GALNT18: variants seen among roughly 807,000 people sequenced by gnomAD.
GALNT18 encodes GalNAc-transferase 18.
Under a neutral mutation model 69.5 loss-of-function variants are expected in GALNT18, and 44 were observed. That is an observed-to-expected ratio of 0.63 (90% CI 0.50 to 0.81). The LOEUF (loss-of-function observed/expected upper bound fraction) is 0.81, where lower values mean the gene tolerates loss of function less well. GALNT18 is among the 40% of genes least tolerant of loss of function. The pLI is 0.00. For synonymous variants in GALNT18, 364 were observed against 318.2 expected (o/e 1.14, Z -1.53); for missense variants, 715 against 810.0 (o/e 0.88, Z 1.42).
chr11:11,485,034 CAT>C (rs575655967), intron 1 of GALNT18, among the ~76,000 whole-genome samples: 5 of 152,316 alleles, frequency 3.3e-5, no homozygotes, highest in Admixed American at 1.3e-4. Flanking sequence ...CCATCGGTGA[CAT>C]GTGATCATCA....
Position 11,340,769 on chromosome 11 carries a change from T to C in GALNT18, c.1278+50A>G, listed in dbSNP as rs958446619. The C allele has an allele frequency of 6.5e-7, 1 of 1,533,154 alleles. No homozygotes were observed. The highest frequency in any genetic ancestry group is 1.4e-5 in the African/African-American group (1 of 72,284). 95.0% of individuals were successfully genotyped at this position (1,533,154 alleles called of 1,614,324 possible). A position where few individuals can be genotyped will look rare whatever the true frequency, so the allele number is the denominator to read the frequency against. ...GGGTTCGGTCCCATATCTTGTTTTGTTTGTTTTCCACCAATCCCCGAGAAA... is the reference window on the plus strand; with the variant it reads ...GGGTTCGGTCCCATATCTTGTTTTGCTTGTTTTCCACCAATCCCCGAGAAA... On this transcript the variant is annotated intron_variant, in intron 7 of 10. Transcript: ENST00000227756. The surrounding 1 kb of genome is among the most constrained non-coding windows in gnomAD (Gnocchi z 4.2).
chr11:11,305,134 G>T (rs1849558338), intron 9 of GALNT18, among the ~76,000 whole-genome samples: 1 of 151,974 alleles, frequency 6.6e-6, no homozygotes, highest in Admixed American at 6.6e-5. Context: ...ATGCAACGAA[G>T]AGACGGTTGG....
intron 1 of GALNT18, among the ~76,000 whole-genome samples, chr11:11,482,173 G>A (rs1856545481): frequency 1.3e-5 from 2 of 152,218 alleles, no homozygotes; most frequent in African/African-American, 4.8e-5. Flanking sequence ...CCTTTGGTGT[G>A]GAGTACTCAG....
At chr11:11,355,197 G>A (rs1850505319) in intron 6 of GALNT18, among the ~76,000 whole-genome samples, 1 of 152,080 alleles carries the variant, frequency 6.6e-6, no homozygotes, top group Non-Finnish European at 1.5e-5. Context: ...ATTATTTACT[G>A]AGCACTTACT....
intron 1 of GALNT18, among the ~76,000 whole-genome samples, chr11:11,473,570 G>A (rs1856321052): frequency 6.6e-6 from 1 of 152,212 alleles, no homozygotes; most frequent in South Asian, 2.1e-4. Flanking sequence ...AGTGAAATAT[G>A]TGAGCTTCAC....
intron 10 of GALNT18, among the ~76,000 whole-genome samples, chr11:11,281,472 G>A (rs1590002678): frequency 6.6e-6 from 1 of 152,324 alleles, no homozygotes; most frequent in South Asian, 2.1e-4. Flanking sequence ...CTCAGCTGAA[G>A]ATTCTGGCTG....
intron 1 of GALNT18, among the ~76,000 whole-genome samples, chr11:11,574,972 C>T (rs1858885441): frequency 6.6e-6 from 1 of 152,164 alleles, no homozygotes; most frequent in African/African-American, 2.4e-5. Context: ...TGTTCTTGGA[C>T]CAGGTTTCTT....
chr11:11,365,723 G>A (rs1342564228), intron 6 of GALNT18, among the ~76,000 whole-genome samples: 3 of 152,090 alleles, frequency 2.0e-5, no homozygotes, highest in Admixed American at 1.3e-4. Context: ...GTTTTGATTT[G>A]CATTTCAATA....
In GALNT18 at chr11:11,337,069, A is replaced by G. The variant is rs989232707; in HGVS notation, c.1278+3750T>C. Among the ~76,000 whole-genome samples, 3 of 152,152 alleles carry G rather than the reference A, an allele frequency of 2.0e-5. No individual in the cohort carries two copies. The highest frequency in any genetic ancestry group is 7.2e-5 in the African/African-American group (3 of 41,424). Reference sequence around the variant, plus strand: ...AAATGGGTGTTACACAAACCTGGCCACCCTAAACTCTCATCTGGAGGGCTT... The same window carrying G: ...AAATGGGTGTTACACAAACCTGGCCGCCCTAAACTCTCATCTGGAGGGCTT... On this transcript the variant is annotated intron_variant, in intron 7 of 10. Transcript: ENST00000227756. The surrounding 1 kb of genome is among the most constrained non-coding windows in gnomAD (Gnocchi z 4.9).
chr11:11,277,367 A>AT (rs1191840930), intron 10 of GALNT18, among the ~76,000 whole-genome samples: 2 of 151,812 alleles, frequency 1.3e-5, no homozygotes, highest in Non-Finnish European at 2.9e-5. Context: ...CCCCTTTATC[A>AT]TTTTTTATTG....
chr11:11,565,692 G>A (rs1165739541), intron 1 of GALNT18, among the ~76,000 whole-genome samples: 1 of 152,184 alleles, frequency 6.6e-6, no homozygotes, highest in Non-Finnish European at 1.5e-5. Flanking sequence ...CATGGACCCT[G>A]CCCTCAAGGC....
chr11:11,322,969 A>G (rs898802623), intron 9 of GALNT18, among the ~76,000 whole-genome samples: 13 of 152,200 alleles, frequency 8.5e-5, no homozygotes, highest in Non-Finnish European at 1.8e-4. Context: ...TGCTCTTATA[A>G]GGACACTAAT....
At chr11:11,594,237 A>G (rs75280453) in intron 1 of GALNT18, among the ~76,000 whole-genome samples, 3,548 of 152,336 alleles carry the variant, frequency 0.023, 150 homozygotes, top group African/African-American at 0.081. Context: ...TCCTCCATCC[A>G]CTAAAGTTGG....
At chr11:11,427,976 A>T (rs1855171193) in intron 3 of GALNT18, among the ~76,000 whole-genome samples, 1 of 152,200 alleles carries the variant, frequency 6.6e-6, no homozygotes, top group Non-Finnish European at 1.5e-5. Context: ...CGAGCCTGGA[A>T]ACCAAGTCCT....
In GALNT18 at chr11:11,436,526, C is replaced by A. The variant is rs1590000314; in HGVS notation, c.429-3739G>T. On this transcript the variant is annotated intron_variant, in intron 2 of 10. Coordinates refer to ENST00000227756, the MANE Select transcript of GALNT18 (RefSeq NM_198516.3). This position sits in a 1 kb window ranked among gnomAD's most constrained non-coding sequence, Gnocchi z 4.5. ...GGGCACAGACTGGCCTTGCTCACAG[C>A]CTCCTGCCCACTGCCTCACACCATG... 6.6e-6 allele frequency among the ~76,000 whole-genome samples: 1 copy of A among 152,178 alleles called. No homozygotes were observed. The highest frequency in any genetic ancestry group is 6.5e-5 in the Admixed American group (1 of 15,280).
chr11:11,374,248 T>C (rs1012905201), intron 5 of GALNT18, among the ~76,000 whole-genome samples: 2 of 152,184 alleles, frequency 1.3e-5, no homozygotes, highest in African/African-American at 2.4e-5. Flanking sequence ...TCCGGATGCA[T>C]GTCTCTAAGA....
intron 3 of GALNT18, among the ~76,000 whole-genome samples, chr11:11,398,071 A>C (rs570240051): frequency 6.6e-6 from 1 of 152,254 alleles, no homozygotes; most frequent in Non-Finnish European, 1.5e-5. Flanking sequence ...TATAGGCATT[A>C]TTTAATCTTC....
At chr11:11,519,181 C>T (rs1857342417) in intron 1 of GALNT18, among the ~76,000 whole-genome samples, 1 of 152,200 alleles carries the variant, frequency 6.6e-6, no homozygotes. Flanking sequence ...TGCATCAGCC[C>T]AGAGGGGTGT....
intron 6 of GALNT18, among the ~76,000 whole-genome samples, chr11:11,344,952 G>T (rs11823122): frequency 0.27 from 41,129 of 152,020 alleles, 6,507 homozygotes; most frequent in East Asian, 0.6. Context: ...CAGGATACTG[G>T]AAGCCCTCAG....
Sources: gnomAD v4.1 joint callset for allele counts (sites outside exome capture counted in the v4.1 genomes callset) on GRCh38, gnomAD v4.1.1 for gene constraint, Gnocchi (gnomAD v3.1) non-coding constraint, MANE v1.5 for transcripts, NCBI Gene and HGNC (gene_info 2026-07-23, HGNC 2026-07-21) for gene names.